MBD5: variants seen among roughly 807,000 people sequenced by gnomAD.
MBD5 encodes the protein methyl-CpG-binding domain protein 5.
A neutral mutation model predicts 117.3 loss-of-function variants in MBD5; 13 were observed. The ratio of observed to expected loss-of-function variants is 0.11; its 90% CI spans 0.07 to 0.18. MBD5 has a LOEUF of 0.18. MBD5 is among the 10% of genes least tolerant of loss of function. MBD5 has a pLI of 1.00. For missense variants in MBD5, 1,879 were observed against 2,093.8 expected (o/e 0.90, Z 2.00); for synonymous variants, 727 against 766.4 (o/e 0.95, Z 0.85).
chr2:148,307,374 T>G lies in MBD5; in HGVS notation c.-679-34840T>G, dbSNP rs559230059. Reference sequence around the variant, plus strand: ...AGTAAATCCATCCAATCTTAGCAACTTGATTATACAAAATTTCTTTTTCAC... The same window carrying G: ...AGTAAATCCATCCAATCTTAGCAACGTGATTATACAAAATTTCTTTTTCAC... On this transcript the variant is annotated intron_variant, in intron 3 of 13. Transcript: ENST00000642680. Among the ~76,000 whole-genome samples, 7 of 134,946 alleles carry G rather than the reference T, an allele frequency of 5.2e-5. No individual in the cohort carries two copies. In the South Asian group the frequency reaches 1.9e-3, roughly 37 times the overall value. 88.5% of individuals were successfully genotyped at this position (134,946 alleles called of 152,430 possible).
intron 4 of MBD5, among the ~76,000 whole-genome samples, chr2:148,440,889 T>A (rs1397313391): frequency 1.3e-5 from 2 of 152,182 alleles, no homozygotes; most frequent in African/African-American, 4.8e-5. Flanking sequence ...CTTAGAGTTG[T>A]AAACACATTG....
At chr2:148,135,423 A>G (rs1472922903) in intron 1 of MBD5, among the ~76,000 whole-genome samples, 1 of 152,206 alleles carries the variant, frequency 6.6e-6, no homozygotes, top group Non-Finnish European at 1.5e-5. Flanking sequence ...GTGGGCTCAA[A>G]GACAACATAC....
At chr2:148,026,755 C>T (rs13007770) in intron 1 of MBD5, 50,263 of 151,816 alleles carry the variant, frequency 0.33, 8,586 homozygotes, top group East Asian at 0.52. Context: ...AGATCTGATC[C>T]CTACAAAATC....
At chr2:148,198,514 G>A (rs1699052813) in intron 2 of MBD5, among the ~76,000 whole-genome samples, 1 of 152,026 alleles carries the variant, frequency 6.6e-6, no homozygotes, top group South Asian at 2.1e-4. Flanking sequence ...ATAAGTCTAG[G>A]TTTTCTCCTA....
intron 4 of MBD5, among the ~76,000 whole-genome samples, chr2:148,446,602 C>CTGTGTG (rs1185100489): frequency 0.025 from 3,653 of 148,846 alleles, 77 homozygotes; most frequent in East Asian, 0.073. Flanking sequence ...GATTATTTAT[C>CTGTGTG]TGTGTGTGTG....
At chr2:148,348,033 G>A (rs750256462) in intron 4 of MBD5, among the ~76,000 whole-genome samples, 5 of 151,888 alleles carry the variant, frequency 3.3e-5, no homozygotes, top group Admixed American at 6.6e-5. Context: ...CACCTTGTAC[G>A]ATGGAAATAA....
Position 148,458,879 on chromosome 2 carries a change from CT to C in MBD5, c.113+10del. On this transcript the variant is annotated intron_variant, in intron 5 of 13. Coordinates refer to ENST00000642680, the MANE Select transcript of MBD5 (RefSeq NM_001378120.1). Reference sequence around the variant, plus strand: ...TGGAGTGCTTTATGTCAGGTAAGTTCTTATTATTACCTGTGGTACCTGCAAA... The same window carrying C: ...TGGAGTGCTTTATGTCAGGTAAGTTCTATTATTACCTGTGGTACCTGCAAA... The C allele has an allele frequency of 6.2e-7, 1 of 1,601,946 alleles. No homozygotes were observed. The highest frequency in any genetic ancestry group is 8.6e-7 in the Non-Finnish European group (1 of 1,169,298).
At chr2:148,046,806 A>G (rs1348870991) in intron 1 of MBD5, among the ~76,000 whole-genome samples, 1 of 152,220 alleles carries the variant, frequency 6.6e-6, no homozygotes, top group Non-Finnish European at 1.5e-5. Flanking sequence ...GTTACCAAAC[A>G]TAAACCTGGT....
chr2:148,128,649 A>G (rs1313374718), intron 1 of MBD5, among the ~76,000 whole-genome samples: 1 of 152,254 alleles, frequency 6.6e-6, no homozygotes, highest in East Asian at 1.9e-4. Context: ...AATCTCCAAC[A>G]TGACTATATG....
chr2:148,320,948 AC>A (rs1340539435), intron 3 of MBD5, among the ~76,000 whole-genome samples: 1 of 152,078 alleles, frequency 6.6e-6, no homozygotes, highest in African/African-American at 2.4e-5. Context: ...CAGAGGAGCA[AC>A]TTTTCATTTC....
At chr2:148,257,173 A>C (rs1245889473) in intron 3 of MBD5, among the ~76,000 whole-genome samples, 1 of 152,198 alleles carries the variant, frequency 6.6e-6, no homozygotes, top group South Asian at 2.1e-4. Flanking sequence ...CACAGGCCCC[A>C]AACAAAACCA....
At chr2:148,199,241 T>A (rs2105944497) in intron 2 of MBD5, among the ~76,000 whole-genome samples, 1 of 152,240 alleles carries the variant, frequency 6.6e-6, no homozygotes, top group Admixed American at 6.5e-5. Context: ...ATAATCTCCT[T>A]TACCTAAAGT....
chr2:148,265,065 G>T (rs375744469), intron 3 of MBD5: 1 of 91,524 alleles, frequency 1.1e-5, no homozygotes, highest in African/African-American at 4.0e-5. Context: ...GTAGACACAC[G>T]CACACACACA....
chr2:148,447,725 T>C (rs1030286897), intron 4 of MBD5: 24 of 152,140 alleles, frequency 1.6e-4, no homozygotes, highest in African/African-American at 5.8e-4. Flanking sequence ...TGTTACCATA[T>C]TGTCCAGTTT....
intron 4 of MBD5, among the ~76,000 whole-genome samples, chr2:148,360,176 C>G (rs1400496718): frequency 1.3e-5 from 2 of 152,034 alleles, no homozygotes; most frequent in African/African-American, 4.8e-5. Context: ...CTCCATGTCT[C>G]TTTTATATAA....
chr2:148,118,091 C>A (rs1171748570), intron 1 of MBD5, among the ~76,000 whole-genome samples: 3 of 152,038 alleles, frequency 2.0e-5, no homozygotes. Flanking sequence ...ATGGTCGCCA[C>A]CATTACCCAG....
chr2:148,501,140 C>G (rs1008108911), intron 11 of MBD5, among the ~76,000 whole-genome samples: 2 of 152,204 alleles, frequency 1.3e-5, no homozygotes, highest in Admixed American at 1.3e-4. Flanking sequence ...GACTGTTTTT[C>G]TCATTGAATA....
At chr2:148,179,217 T>TGGTGGCAGGCGC (rs1698461011) in intron 2 of MBD5, among the ~76,000 whole-genome samples, 1 of 151,630 alleles carries the variant, frequency 6.6e-6, no homozygotes, top group Non-Finnish European at 1.5e-5. Flanking sequence ...TAGGCGGGCG[T>TGGTGGCAGGCGC]GGTGGCAGGC....
rs1697295316 is a variant in MBD5 at position 148,140,811 on chromosome 2, G to C, written c.-924-37889G>C. On this transcript the variant is annotated intron_variant, in intron 1 of 13. Transcript: ENST00000642680. ...AGGGCCTATTGTATTGCCCAGGCTG[G>C]AGTGCAGGCAGTGGTGTGATCTTGG... Among the ~76,000 whole-genome samples, 3 of 151,900 alleles carry C rather than the reference G, an allele frequency of 2.0e-5. No individual in the cohort carries two copies. The South Asian group carries it at 6.3e-4, about 32-fold the overall frequency.
Sources: gnomAD v4.1 joint callset for allele counts (sites outside exome capture counted in the v4.1 genomes callset) on GRCh38, gnomAD v4.1.1 for gene constraint, MANE v1.5 for transcripts, NCBI Gene and HGNC (gene_info 2026-07-23, HGNC 2026-07-21) for gene names.